Variants in NAV3 observed in about 807,000 individuals in gnomAD.
The protein encoded by NAV3 is pore membrane and/or filament interacting like protein 1.
In NAV3, 87 loss-of-function variants were observed where a neutral mutation model predicts 244.7. The observed-to-expected ratio is 0.36, with a 90% CI of 0.30 to 0.42. The LOEUF (loss-of-function observed/expected upper bound fraction) is 0.42. Ranked by LOEUF, NAV3 falls within the 20% of genes least tolerant of loss-of-function variation. NAV3 has a pLI of 1.00. For missense variants in NAV3, 2,663 were observed against 2,893.3 expected (o/e 0.92, Z 1.83); for synonymous variants, 1,126 against 1,042.2 (o/e 1.08, Z -1.55).
At chr12:77,988,053 G>A (rs1565991448) in intron 5 of NAV3, among the ~76,000 whole-genome samples, 1 of 152,136 alleles carries the variant, frequency 6.6e-6, no homozygotes, top group Non-Finnish European at 1.5e-5. Context: ...TGAGATTTTG[G>A]AATATGCTGT....
At position 77,976,643 on chromosome 12, in the gene NAV3, ATTCT is replaced by A. The variant is rs759190677; in HGVS notation, c.671+7964_671+7967del. On this transcript the variant is annotated intron_variant, in intron 5 of 39. Transcript: ENST00000397909. ...GGCAATCCTATGATGTGTATACTGT[ATTCT>A]TTCTTTCTTTCTTTCTTTCTTTTTT... 9.5e-4 allele frequency among the ~76,000 whole-genome samples: 109 copies of A among 115,140 alleles called. 21 individuals carry two copies. The highest frequency in any genetic ancestry group is 2.1e-3 in the South Asian group (8 of 3,744). The allele number at this position is 115,140 out of a possible 152,430, so 75.5% of individuals were successfully genotyped here.
At chr12:77,916,138 G>A (rs947373566) in intron 1 of NAV3, among the ~76,000 whole-genome samples, 6 of 152,010 alleles carry the variant, frequency 3.9e-5, no homozygotes, top group Non-Finnish European at 8.8e-5. Context: ...GGATACTGGT[G>A]AAAGAGCATT....
intron 3 of NAV3, among the ~76,000 whole-genome samples, chr12:77,942,410 A>G (rs1889964480): frequency 6.6e-6 from 1 of 151,696 alleles, no homozygotes; most frequent in African/African-American, 2.4e-5. Flanking sequence ...AAAATCAAAT[A>G]ATAAAATAAA....
At chr12:77,908,538 A>G (rs2137014261) in intron 1 of NAV3, among the ~76,000 whole-genome samples, 1 of 152,174 alleles carries the variant, frequency 6.6e-6, no homozygotes, top group East Asian at 1.9e-4. Flanking sequence ...TATCCCTGTT[A>G]TTCTTTAGCT....
rs762527287 is a variant in NAV3, at chr12:77,873,773, T to TATATATATATAA, written c.243+42070_243+42071insTATATATATAAA. On this transcript the variant is annotated intron_variant, in intron 1 of 39. Coordinates refer to ENST00000397909, the MANE Select transcript of NAV3 (RefSeq NM_001024383.2). Reference sequence around the variant, plus strand: ...ATATATATATATATATATATGTATATAACAGCATATGCATTATGTGAAATT... The same window carrying TATATATATATAA: ...ATATATATATATATATATATGTATATATATATATATAAAACAGCATATGCATTATGTGAAATT... Among the ~76,000 whole-genome samples the TATATATATATAA allele has an allele frequency of 7.6e-3, 977 of 128,504 alleles. 28 individuals carry two copies. The highest frequency in any genetic ancestry group is 0.027 in the East Asian group (109 of 4,054). The allele number at this position is 128,504 out of a possible 152,430, so 84.3% of individuals were successfully genotyped here.
intron 2 of NAV3, among the ~76,000 whole-genome samples, chr12:77,769,769 T>A (rs941311909): frequency 6.6e-6 from 1 of 152,154 alleles, no homozygotes; most frequent in Non-Finnish European, 1.5e-5. Flanking sequence ...GTTACAGTCT[T>A]TATTATTAGA....
chr12:77,824,267 A>AAT (rs1872874738), intron 2 of NAV3, among the ~76,000 whole-genome samples: 1 of 76,560 alleles, frequency 1.3e-5, no homozygotes. Flanking sequence ...TTTTTTTTGT[A>AAT]TTTTTAGTAG....
At chr12:78,009,857 G>C (rs1490819542) in intron 8 of NAV3, among the ~76,000 whole-genome samples, 1 of 152,090 alleles carries the variant, frequency 6.6e-6, no homozygotes, top group Non-Finnish European at 1.5e-5. Context: ...GCCAGATTTT[G>C]AGCAAATTAC....
chr12:77,990,460 A>G lies in NAV3; in HGVS notation c.672-4343A>G, dbSNP rs188001054. ...CAATCTGGTAAGTTTCAGTTCATTGATACTATCTAAGAGGCCTGATGGTCA... is the reference window on the plus strand; with the variant it reads ...CAATCTGGTAAGTTTCAGTTCATTGGTACTATCTAAGAGGCCTGATGGTCA... On this transcript the variant is annotated intron_variant, in intron 5 of 39. Coordinates refer to ENST00000397909, the MANE Select transcript of NAV3 (RefSeq NM_001024383.2). Among the ~76,000 whole-genome samples the G allele has an allele frequency of 2.6e-5, 4 of 152,298 alleles. No individual in the cohort carries two copies. The East Asian group carries it at 7.7e-4, about 29-fold the overall frequency.
intron 2 of NAV3, among the ~76,000 whole-genome samples, chr12:77,638,637 A>T (rs1445291110): frequency 6.6e-6 from 1 of 152,214 alleles, no homozygotes. Flanking sequence ...GCAACTTAAG[A>T]GGATTCATAT....
At chr12:77,970,225 T>C (rs1294521319) in intron 5 of NAV3, among the ~76,000 whole-genome samples, 1 of 152,192 alleles carries the variant, frequency 6.6e-6, no homozygotes, top group African/African-American at 2.4e-5. Context: ...AATGTAAATA[T>C]TTAACTTTGT....
At chr12:78,009,642 A>T (rs975669642) in intron 8 of NAV3, among the ~76,000 whole-genome samples, 3 of 152,064 alleles carry the variant, frequency 2.0e-5, no homozygotes, top group Non-Finnish European at 4.4e-5. Flanking sequence ...TGAAATAGGT[A>T]TGATAATTGT....
chr12:78,045,180 A>C (rs1881557887), intron 9 of NAV3, among the ~76,000 whole-genome samples: 2 of 152,176 alleles, frequency 1.3e-5, no homozygotes, highest in South Asian at 4.1e-4. Context: ...GCATCTATTG[A>C]GATAATCATG....
In NAV3 at chr12:77,779,671, C is replaced by A. The variant is rs140499750; in HGVS notation, c.73-160648C>A. On this transcript the variant is annotated intron_variant, in intron 2 of 8. Transcript: ENST00000550042. The stretch of plus-strand genomic sequence containing the variant: ...CTCTGATTAAACTGTATTTTTATAT[C>A]CTTCAGGACACCTTGGGCCAGCTTG... 7.6e-4 allele frequency among the ~76,000 whole-genome samples: 116 copies of A among 152,168 alleles called. 1 individual carries two copies. The highest frequency in any genetic ancestry group is 2.7e-3 in the African/African-American group (113 of 41,506).
intron 2 of NAV3, among the ~76,000 whole-genome samples, chr12:77,824,893 A>AC (rs1404025497): frequency 1.8e-3 from 179 of 99,754 alleles, no homozygotes; most frequent in African/African-American, 6.9e-3. Context: ...CTCCGTCTCA[A>AC]AAACAACAAC....
chr12:77,768,761 T>A (rs1384655125), intron 2 of NAV3, among the ~76,000 whole-genome samples: 1 of 152,190 alleles, frequency 6.6e-6, no homozygotes, highest in Non-Finnish European at 1.5e-5. Flanking sequence ...TGCCCTGCAA[T>A]CTCAGAATGA....
intron 2 of NAV3, among the ~76,000 whole-genome samples, chr12:77,743,669 T>C (rs1868390001): frequency 6.6e-6 from 1 of 151,742 alleles, no homozygotes; most frequent in African/African-American, 2.4e-5. Context: ...TAAATAGATC[T>C]GAGAAATATA....
intron 1 of NAV3, among the ~76,000 whole-genome samples, chr12:77,868,651 G>T (rs1274008719): frequency 6.6e-6 from 1 of 151,482 alleles, no homozygotes; most frequent in Non-Finnish European, 1.5e-5. Flanking sequence ...AGCTCCTCAG[G>T]TGGCTGAGGC....
chr12:78,202,573 A>G (rs1959826170), intron 38 of NAV3, among the ~76,000 whole-genome samples: 1 of 152,114 alleles, frequency 6.6e-6, no homozygotes, highest in South Asian at 2.1e-4. Context: ...TCACTTAAGG[A>G]TTAGTTTCTC....
Sources: allele counts gnomAD v4.1 joint callset (sites outside exome capture counted in the v4.1 genomes callset), GRCh38; gene constraint gnomAD v4.1.1; transcripts MANE v1.5; gene names NCBI Gene and HGNC (gene_info 2026-07-23, HGNC 2026-07-21).